Variants in TAFA5 observed in about 807,000 individuals in gnomAD.
TAFA5 encodes the protein TAFA chemokine like family member 5.
TAFA5 carries 6 observed loss-of-function variants against 15.3 expected under a neutral mutation model. The observed-to-expected ratio is 0.39, with a 90% CI of 0.21 to 0.77. TAFA5 has a LOEUF of 0.77. TAFA5 is among the 30% of genes least tolerant of loss of function. The pLI, the probability that TAFA5 is intolerant of heterozygous loss-of-function variation, is 0.41. For synonymous variants in TAFA5, 103 were observed against 80.7 expected, an observed-to-expected ratio of 1.28 and a Z score of -1.48; for missense variants, 161 against 193.1, an observed-to-expected ratio of 0.83 and a Z score of 0.98.
intron 1 of TAFA5, among the ~76,000 whole-genome samples, chr22:48,567,071 C>T (rs559738350): frequency 6.6e-6 from 1 of 152,206 alleles, no homozygotes; most frequent in Non-Finnish European, 1.5e-5. Context: ...GGTGCTGCTT[C>T]GGGGCATTTT....
At chr22:48,710,874 A>C (rs1929230662) in intron 3 of TAFA5, among the ~76,000 whole-genome samples, 1 of 152,168 alleles carries the variant, frequency 6.6e-6, no homozygotes, top group Non-Finnish European at 1.5e-5. Context: ...AGGCTTGAAT[A>C]CTGCGGCTGG....
intron 3 of TAFA5, among the ~76,000 whole-genome samples, chr22:48,740,009 G>A (rs6010467): frequency 0.013 from 2,037 of 152,202 alleles, 50 homozygotes; most frequent in African/African-American, 0.045. Context: ...ATCGGTGTCC[G>A]GATGTGCTGA....
At chr22:48,714,359 G>A (rs1929342280) in intron 3 of TAFA5, among the ~76,000 whole-genome samples, 1 of 152,224 alleles carries the variant, frequency 6.6e-6, no homozygotes, top group African/African-American at 2.4e-5. Flanking sequence ...AGCCCCAGGA[G>A]AGCAGTGTGT....
intron 1 of TAFA5, among the ~76,000 whole-genome samples, chr22:48,608,062 A>G (rs28540533): frequency 0.9 from 135,519 of 151,038 alleles, 61,088 homozygotes; most frequent in African/African-American, 0.96. Flanking sequence ...GACAGGCAGA[A>G]TGAGGCAGTG....
intron 1 of TAFA5, among the ~76,000 whole-genome samples, chr22:48,498,801 G>A (rs11913116): frequency 0.15 from 22,606 of 152,086 alleles, 1,821 homozygotes; most frequent in African/African-American, 0.22. Flanking sequence ...GGGACAATCA[G>A]CCCACTGGAA....
Position 48,552,160 on chromosome 22 carries a change from C to T in TAFA5, c.112+62456C>T, listed in dbSNP as rs769731592. Among the ~76,000 whole-genome samples, 1 of 152,204 alleles carries T rather than the reference C, an allele frequency of 6.6e-6. No homozygotes were observed. The highest frequency in any genetic ancestry group is 1.5e-5 in the Non-Finnish European group (1 of 68,032). On this transcript the variant is annotated intron_variant, in intron 1 of 3. Coordinates refer to ENST00000402357, the MANE Select transcript of TAFA5 (RefSeq NM_001082967.3). This position sits in a 1 kb window ranked among gnomAD's most constrained non-coding sequence, Gnocchi z 4.1. ...GCTCCCGGGGACCACCAGAGAGCCC[C>T]TCCCAAGGAGTCACCAGTCACAGCG...
intron 2 of TAFA5, among the ~76,000 whole-genome samples, chr22:48,678,877 C>T (rs575337268): frequency 1.8e-4 from 16 of 87,308 alleles, no homozygotes; most frequent in Non-Finnish European, 3.9e-4. Flanking sequence ...GCCAGGGCAC[C>T]GTCCCGGCTC....
At chr22:48,564,726 C>T (rs535079719) in intron 1 of TAFA5, among the ~76,000 whole-genome samples, 1 of 152,346 alleles carries the variant, frequency 6.6e-6, no homozygotes, top group South Asian at 2.1e-4. Flanking sequence ...TTGGAGAAAG[C>T]TTCCAGGCCT....
intron 1 of TAFA5, among the ~76,000 whole-genome samples, chr22:48,553,504 T>C (rs1384517301): frequency 6.6e-6 from 1 of 152,178 alleles, no homozygotes; most frequent in Non-Finnish European, 1.5e-5. Flanking sequence ...TGGGGAGACC[T>C]GCACCAGGGA....
chr22:48,509,678 G>A (rs1018779264), intron 1 of TAFA5, among the ~76,000 whole-genome samples: 4 of 152,282 alleles, frequency 2.6e-5, no homozygotes, highest in Admixed American at 6.5e-5. Context: ...GAGGCCCAGC[G>A]CAATGGCTCA....
chr22:48,669,923 T>C (rs1388014891), intron 2 of TAFA5, among the ~76,000 whole-genome samples: 1 of 152,204 alleles, frequency 6.6e-6, no homozygotes, highest in Non-Finnish European at 1.5e-5. Flanking sequence ...TGAGCTGGCT[T>C]CTCCATTCAG....
At position 48,566,973 on chromosome 22, in the gene TAFA5, T is replaced by C. The variant is rs1923429233; in HGVS notation, c.112+77269T>C. 6.6e-6 allele frequency among the ~76,000 whole-genome samples: 1 copy of C among 152,230 alleles called. No homozygotes were observed. Among genetic ancestry groups the C allele is most frequent in the Non-Finnish European group, 1.5e-5 (1 of 68,040 alleles). On this transcript the variant is annotated intron_variant, in intron 1 of 3. Coordinates refer to ENST00000402357, the MANE Select transcript of TAFA5 (RefSeq NM_001082967.3). This position sits in a 1 kb window ranked among gnomAD's most constrained non-coding sequence, Gnocchi z 4.5. ...ACTGCTGCCTGCGGACTGGCCGCAC[T>C]GGATTCCCCTTTCCCTGCGGAAGGG...
At chr22:48,739,250 A>T (rs574107396) in intron 3 of TAFA5, among the ~76,000 whole-genome samples, 6 of 152,342 alleles carry the variant, frequency 3.9e-5, no homozygotes, top group Middle Eastern at 3.4e-3. Flanking sequence ...ATTTTCCCAT[A>T]TTTAAATTAA....
chr22:48,553,031 C>A (rs1295840427), intron 1 of TAFA5, among the ~76,000 whole-genome samples: 1 of 152,196 alleles, frequency 6.6e-6, no homozygotes, highest in Non-Finnish European at 1.5e-5. Context: ...GCATCTTTCA[C>A]CCCGAGAGCC....
chr22:48,738,568 G>T (rs1178397074), intron 3 of TAFA5, among the ~76,000 whole-genome samples: 1 of 152,216 alleles, frequency 6.6e-6, no homozygotes, highest in Non-Finnish European at 1.5e-5. Context: ...ACTCACCCCA[G>T]TGAGGAGTGA....
chr22:48,651,664 G>A (rs1043923889), intron 2 of TAFA5, among the ~76,000 whole-genome samples: 4 of 152,168 alleles, frequency 2.6e-5, no homozygotes, highest in Admixed American at 6.5e-5. Flanking sequence ...AGCCTTAGGC[G>A]GGTGGACGCT....
chr22:48,545,089 T>A (rs1922614849), intron 1 of TAFA5: 1 of 355,296 alleles, frequency 2.8e-6, no homozygotes, highest in Admixed American at 3.7e-5. Flanking sequence ...TCCAGATGGA[T>A]TCCCGGATCA....
chr22:48,722,485 C>T (rs1929598303), intron 3 of TAFA5, among the ~76,000 whole-genome samples: 1 of 151,974 alleles, frequency 6.6e-6, no homozygotes, highest in African/African-American at 2.4e-5. Flanking sequence ...CGTGTTCTCA[C>T]TCATAAGTGG....
chr22:48,733,484 T>A (rs924771089), intron 3 of TAFA5, among the ~76,000 whole-genome samples: 1 of 152,226 alleles, frequency 6.6e-6, no homozygotes, highest in Non-Finnish European at 1.5e-5. Flanking sequence ...TCCTGCATGG[T>A]GACTTTTTGG....
Sources: allele counts gnomAD v4.1 joint callset (sites outside exome capture counted in the v4.1 genomes callset), GRCh38; gene constraint gnomAD v4.1.1; non-coding constraint Gnocchi (gnomAD v3.1); transcripts MANE v1.5; gene names NCBI Gene and HGNC (gene_info 2026-07-23, HGNC 2026-07-21).